The following KCNQ4 variants were observed in gnomAD, a reference collection of about 807,000 sequenced individuals.
KCNQ4 encodes potassium voltage-gated channel subfamily Q member 4.
In KCNQ4, 31 loss-of-function variants were observed where a neutral mutation model predicts 72.6. The observed-to-expected ratio is 0.43, with a 90% CI of 0.32 to 0.58. KCNQ4 has a LOEUF of 0.58. Among genes scored for constraint, KCNQ4 ranks in the 20% least tolerant of loss-of-function variants. The probability of loss-of-function intolerance (pLI) is 0.08; values close to 1 mark genes in which losing one functional copy is unlikely to be tolerated. For synonymous variants in KCNQ4, 405 were observed against 403.7 expected, an observed-to-expected ratio of 1.00 and a Z score of -0.04; for missense variants, 869 against 962.6, an observed-to-expected ratio of 0.90 and a Z score of 1.29.
intron 9 of KCNQ4, among the ~76,000 whole-genome samples, chr1:40,824,929 A>C (rs776316715): frequency 1.3e-5 from 2 of 152,222 alleles, no homozygotes; most frequent in Non-Finnish European, 2.9e-5. Flanking sequence ...GCTCCCAGCC[A>C]TCTCTTTCCC....
rs1647311857 is a variant in KCNQ4, at chr1:40,792,902, A to C, written c.314+8495A>C. 3.3e-5 allele frequency among the ~76,000 whole-genome samples: 5 copies of C among 151,346 alleles called. No homozygotes were observed. The South Asian group carries it at 1.0e-3, about 32-fold the overall frequency. ...GACAGGTGGTAGAGGCAGGATTTGA[A>C]CCTAGCATGTGCATCTCTGGGAGCC... is the stretch of plus-strand genomic sequence containing the variant. On this transcript the variant is annotated intron_variant, in intron 1 of 13. Transcript: ENST00000347132.
intron 8 of KCNQ4, among the ~76,000 whole-genome samples, chr1:40,822,894 C>G (rs947135354): frequency 6.6e-6 from 1 of 152,188 alleles, no homozygotes; most frequent in African/African-American, 2.4e-5. Context: ...GCCTCAGGGC[C>G]CAGAAGTGGG....
chr1:40,836,105 C>T (rs1011652374), intron 12 of KCNQ4, among the ~76,000 whole-genome samples: 10 of 152,116 alleles, frequency 6.6e-5, no homozygotes, highest in African/African-American at 1.4e-4. Flanking sequence ...ATGGACTTAG[C>T]GGAGTGAGGG....
chr1:40,837,835 A>C (rs1460693380), intron 13 of KCNQ4, 41 bp downstream of exon 13: 1 of 1,585,868 alleles, frequency 6.3e-7, no homozygotes, highest in Non-Finnish European at 8.6e-7. Context: ...CATACCAAGA[A>C]GCTCTGGGGG....
At position 40,819,162 on chromosome 1, in the gene KCNQ4, A is replaced by T. The variant is rs45536233; in HGVS notation, c.709-185A>T. ...TGGGGGTGGGAATGGGGGTCGGGGT[A>T]GGGGGAGTGCTGGCGGTTTCGCGAA... is the stretch of plus-strand genomic sequence containing the variant. On this transcript the variant is annotated intron_variant, in intron 4 of 13. Transcript: ENST00000347132. 0.37 allele frequency among the ~76,000 whole-genome samples: 28,881 copies of T among 78,028 alleles called. 3,627 individuals carry two copies. Among genetic ancestry groups the T allele is most frequent in the Middle Eastern group, 0.42 (78 of 184 alleles). 51.2% of individuals were successfully genotyped at this position (78,028 alleles called of 152,430 possible).
In KCNQ4 at chr1:40,837,699, A is replaced by C. The variant is rs905747095; in HGVS notation, c.1780A>C (p.Arg594=). The part of the protein sequence containing the change: ...DQIVGRGPGD[R]KAREKGDKGP... ...AATTGTGGGTCGGGGGCCCGGGGACAGGAAGGCCCGGGAGAAGGGCGACAA... is the reference window on the plus strand; with the variant it reads ...AATTGTGGGTCGGGGGCCCGGGGACCGGAAGGCCCGGGAGAAGGGCGACAA... The change falls in exon 13 of 14, where the codon AGG becomes CGG. Residue 594 remains arginine (R), a synonymous_variant. Transcript: ENST00000347132. 1 of 1,613,470 alleles carries C rather than the reference A, an allele frequency of 6.2e-7. No individual in the cohort carries two copies. Among genetic ancestry groups the C allele is most frequent in the Non-Finnish European group, 8.5e-7 (1 of 1,179,834 alleles).
chr1:40,806,407 G>C (rs1415497271), intron 1 of KCNQ4, among the ~76,000 whole-genome samples: 1 of 152,216 alleles, frequency 6.6e-6, no homozygotes, highest in African/African-American at 2.4e-5. Flanking sequence ...GTTCCACTCT[G>C]GCTCTTGTCA....
chr1:40,809,453 T>C (rs1050649906), intron 1 of KCNQ4, among the ~76,000 whole-genome samples: 3 of 152,204 alleles, frequency 2.0e-5, no homozygotes, highest in Non-Finnish European at 4.4e-5. Flanking sequence ...GCTCCTCCAG[T>C]GGGGTCTCCC....
intron 9 of KCNQ4, among the ~76,000 whole-genome samples, chr1:40,824,497 A>G (rs979421512): frequency 6.6e-6 from 1 of 152,088 alleles, no homozygotes; most frequent in Non-Finnish European, 1.5e-5. Context: ...AGAGATGTCC[A>G]TGCCATCCTT....
Position 40,817,241 on chromosome 1 carries a change from C to CGGGG in KCNQ4, c.315-24_315-23insGGGG. 6.3e-7 allele frequency: 1 copy of CGGGG among 1,596,112 alleles called. No individual in the cohort carries two copies. Among genetic ancestry groups the CGGGG allele is most frequent in the Non-Finnish European group, 8.6e-7 (1 of 1,164,776 alleles). On this transcript the variant is annotated intron_variant, in intron 1 of 13. Transcript: ENST00000347132. The surrounding 1 kb of genome is among the most constrained non-coding windows in gnomAD (Gnocchi z 5.5). ...GTCCTGTCCCTCCAACAATCTAACCCTCTCCCTCATGTTGTAATTGCAGAT... is the reference window on the plus strand; with the variant it reads ...GTCCTGTCCCTCCAACAATCTAACCCGGGGTCTCCCTCATGTTGTAATTGCAGAT...
Position 40,838,502 on chromosome 1 carries a change from G to C in KCNQ4, c.2067G>C (p.Ser689=), listed in dbSNP as rs766423839. 4 of 1,613,988 alleles carry C rather than the reference G, an allele frequency of 2.5e-6. No individual in the cohort carries two copies. The South Asian group carries it at 4.4e-5, about 18-fold the overall frequency. Residue 689 remains serine, a synonymous_variant, in exon 14 of 14, where the codon TCG becomes TCC. Coordinates refer to ENST00000347132, the MANE Select transcript of KCNQ4 (RefSeq NM_004700.4). The stretch of plus-strand genomic sequence containing the variant: ...CACAGACGCTCAGCATCTCCCGCTC[G>C]GTCAGCACCAACATGGACTGAGGGA... ...VSAQTLSISR[S]VSTNMD
intron 1 of KCNQ4, among the ~76,000 whole-genome samples, chr1:40,799,278 A>G (rs1647505022): frequency 6.6e-6 from 1 of 152,204 alleles, no homozygotes; most frequent in African/African-American, 2.4e-5. Flanking sequence ...GGACTGAAGG[A>G]TGGGGGCGAT....
rs907062433 is a variant in KCNQ4, at chr1:40,824,202, C to T, written c.1236C>T (p.Tyr412=). 1.3e-6 allele frequency: 2 copies of T among 1,599,276 alleles called. No individual in the cohort carries two copies. The highest frequency in any genetic ancestry group is 1.3e-5 in the African/African-American group (1 of 74,710). ...TACCCGACGGAGCACCCTCCCGTTA[C>T]CCGCCCGTTGCCACCTGCCACCGGC... The part of the protein sequence containing the change: ...APVPDGAPSR[Y]PPVATCHRPG... Residue 412 remains tyrosine (Y), a synonymous_variant, in exon 9 of 14, where the codon TAC becomes TAT. Transcript: ENST00000347132.
intron 9 of KCNQ4, among the ~76,000 whole-genome samples, chr1:40,829,293 C>A (rs1397648173): frequency 6.6e-6 from 1 of 152,192 alleles, no homozygotes; most frequent in East Asian, 1.9e-4. Flanking sequence ...AATGGCTCTG[C>A]AGAGGAAAGT....
At chr1:40,793,084 A>G (rs946448128) in intron 1 of KCNQ4, among the ~76,000 whole-genome samples, 26 of 143,402 alleles carry the variant, frequency 1.8e-4, no homozygotes, top group African/African-American at 6.9e-4. Flanking sequence ...ATCACTGCAG[A>G]CTCAACCTCC....
At chr1:40,811,712 C>T (rs763502025) in intron 1 of KCNQ4, among the ~76,000 whole-genome samples, 1 of 152,206 alleles carries the variant, frequency 6.6e-6, no homozygotes, top group South Asian at 2.1e-4. Flanking sequence ...TGGGGAGAGC[C>T]AGCCAGGCAA....
intron 1 of KCNQ4, among the ~76,000 whole-genome samples, chr1:40,787,750 G>T (rs537845530): frequency 2.0e-5 from 3 of 152,136 alleles, no homozygotes; most frequent in Non-Finnish European, 2.9e-5. Context: ...CACAGGCCCT[G>T]CTCTCTGAAT....
In KCNQ4 at chr1:40,838,296, G is replaced by A. The variant is rs1204300278; in HGVS notation, c.1876-15G>A. Reference sequence around the variant, plus strand: ...CGGTCCCAGGCCCTGCTTCCCAGCTGCGCCCCGTCCCCAGGTGCAGTCCAT... The same window carrying A: ...CGGTCCCAGGCCCTGCTTCCCAGCTACGCCCCGTCCCCAGGTGCAGTCCAT... On this transcript the variant is annotated splice_polypyrimidine_tract_variant and intron_variant, in intron 13 of 13. Transcript: ENST00000347132. 4 of 1,611,308 alleles carry A rather than the reference G, an allele frequency of 2.5e-6. No individual in the cohort carries two copies. Among genetic ancestry groups the A allele is most frequent in the Non-Finnish European group, 3.4e-6 (4 of 1,179,082 alleles).
chr1:40,811,929 G>A (rs35753051), intron 1 of KCNQ4, among the ~76,000 whole-genome samples: 29,159 of 152,224 alleles, frequency 0.19, 3,218 homozygotes, highest in East Asian at 0.49. Context: ...GTCCCAGAGG[G>A]GGCCAGAGAG....
Sources: gnomAD v4.1 joint callset for allele counts (sites outside exome capture counted in the v4.1 genomes callset) on GRCh38, gnomAD v4.1.1 for gene constraint, Gnocchi (gnomAD v3.1) non-coding constraint, MANE v1.5 for transcripts, NCBI Gene and HGNC (gene_info 2026-07-23, HGNC 2026-07-21) for gene names.